Variants in FAM200B observed in about 807,000 individuals in gnomAD.
The protein encoded by FAM200B is protein FAM200B.
A neutral mutation model predicts 33.1 loss-of-function variants in FAM200B; 32 were observed. The observed-to-expected ratio is 0.97, with a 90% CI of 0.73 to 1.30. The LOEUF (loss-of-function observed/expected upper bound fraction) is 1.30. FAM200B is among the 50% of genes most tolerant of loss of function. The pLI is 0.00. For missense variants in FAM200B, 741 were observed against 754.0 expected (o/e 0.98, Z 0.20); for synonymous variants, 240 against 264.8 (o/e 0.91, Z 0.91).
upstream of FAM200B, among the ~76,000 whole-genome samples, chr4:15,677,824 T>C (rs776620160): frequency 4.0e-4 from 61 of 152,316 alleles, no homozygotes; most frequent in Non-Finnish European, 8.1e-4. Context: ...GAGTAGGTCA[T>C]GGGAATGCCC....
rs1719110503 is a variant in FAM200B, at chr4:15,688,600, T to G, written c.1623T>G (p.Phe541Leu). 1 of 1,551,274 alleles carries G rather than the reference T, an allele frequency of 6.4e-7. No individual in the cohort carries two copies. The highest frequency in any genetic ancestry group is 8.7e-7 in the Non-Finnish European group (1 of 1,146,684). The part of the protein sequence containing the change: ...LRENSWVKDP[F>L]AFRHPESIIE... ...AAAACAGTTGGGTAAAAGATCCATTTGCTTTTCGACACCCTGAATCAATAA... is the reference window on the plus strand; with the variant it reads ...AAAACAGTTGGGTAAAAGATCCATTGGCTTTTCGACACCCTGAATCAATAA... Residue 541 changes from phenylalanine (F) to leucine (L), a missense_variant, in exon 2 of 2, where the codon TTT becomes TTG. Physicochemically the swap from Phe to Leu is conservative, Grantham distance 22. Coordinates refer to ENST00000422728, the MANE Select transcript of FAM200B (RefSeq NM_001145191.2).
the FAM200B span, among the ~76,000 whole-genome samples, chr4:15,654,178 T>C: frequency 6.6e-6 from 1 of 152,258 alleles, no homozygotes; most frequent in East Asian, 1.9e-4. Context: ...TGGTTCTGCA[T>C]AATGCTATGC....
At chr4:15,681,444 A>T (rs1278300191), upstream of FAM200B, 2 of 170,454 alleles carry the variant, frequency 1.2e-5, no homozygotes, top group Admixed American at 6.5e-5. Flanking sequence ...AATCCGCAGC[A>T]GTCTCTTTTC....
the FAM200B span, among the ~76,000 whole-genome samples, chr4:15,662,202 T>C: frequency 6.6e-6 from 1 of 152,190 alleles, no homozygotes; most frequent in Non-Finnish European, 1.5e-5. Context: ...AGGGCCATCT[T>C]TGAAGCTGGC....
chr4:15,640,410 A>AAC, the FAM200B span, among the ~76,000 whole-genome samples: 37 of 146,680 alleles, frequency 2.5e-4, no homozygotes, highest in African/African-American at 8.0e-4. Flanking sequence ...AAAAAAAAAA[A>AAC]CATGAAAAAA....
the FAM200B span, among the ~76,000 whole-genome samples, chr4:15,662,957 G>T: frequency 6.6e-6 from 1 of 152,278 alleles, no homozygotes; most frequent in East Asian, 1.9e-4. Context: ...AAACAATAGA[G>T]CATATTGACC....
the FAM200B span, among the ~76,000 whole-genome samples, chr4:15,640,383 C>T: frequency 2.0e-5 from 2 of 99,588 alleles, no homozygotes; most frequent in South Asian, 6.9e-4. Flanking sequence ...AAATACTAAA[C>T]TACACTACTG....
chr4:15,655,478 A>C, the FAM200B span: 2 of 791,364 alleles, frequency 2.5e-6, no homozygotes, highest in Non-Finnish European at 3.1e-6. Context: ...GGCCCACGTG[A>C]CCGGGCGCGC....
intron 1 of FAM200B, chr4:15,685,075 A>T (rs373687556): frequency 6.6e-6 from 1 of 151,252 alleles, no homozygotes; most frequent in East Asian, 1.9e-4. Context: ...AAAGGTATAA[A>T]ACCTGATCAG....
chr4:15,640,268 G>C, the FAM200B span, among the ~76,000 whole-genome samples: 39 of 151,166 alleles, frequency 2.6e-4, no homozygotes, highest in Non-Finnish European at 2.5e-4. Flanking sequence ...TCTTGAACTC[G>C]TGAGTTCAAG....
the FAM200B span, among the ~76,000 whole-genome samples, chr4:15,641,964 G>A: frequency 6.6e-6 from 1 of 151,850 alleles, no homozygotes; most frequent in Non-Finnish European, 1.5e-5. Context: ...GAAGAAGGAG[G>A]TTGCGGTGAG....
rs1347295725 is a variant in FAM200B, at chr4:15,687,865, T to G, written c.888T>G (p.Ser296Arg). Reference protein sequence around the residue: ...LNWKNCKGITSDGTATMTGKH... With the variant: ...LNWKNCKGITRDGTATMTGKH... ...GGAAAAACTGTAAAGGAATTACAAG[T>G]GATGGCACAGCAACCATGACTGGAA... The change falls in exon 2 of 2, where the codon AGT (serine) becomes AGG (arginine). Residue 296 changes from serine to arginine, a missense_variant. Ser to Arg is a moderately radical substitution (Grantham distance 110). Transcript: ENST00000422728. The G allele has an allele frequency of 1.9e-6, 3 of 1,551,308 alleles. No homozygotes were observed. The highest frequency in any genetic ancestry group is 3.9e-5 in the Admixed American group (2 of 50,994).
chr4:15,643,658 C>T, the FAM200B span, among the ~76,000 whole-genome samples: 3 of 152,174 alleles, frequency 2.0e-5, no homozygotes, highest in African/African-American at 4.8e-5. Context: ...CCACTAGCCT[C>T]GGCCTCCCAG....
the FAM200B span, among the ~76,000 whole-genome samples, chr4:15,644,884 G>A: frequency 6.6e-6 from 1 of 152,190 alleles, no homozygotes; most frequent in Non-Finnish European, 1.5e-5. Flanking sequence ...AATAAAAAGT[G>A]CACTAGGCCA....
the FAM200B span, among the ~76,000 whole-genome samples, chr4:15,647,719 G>A: frequency 6.6e-6 from 1 of 152,144 alleles, no homozygotes; most frequent in Admixed American, 6.5e-5. Flanking sequence ...ACCTAGCACA[G>A]TAGTTAAAAG....
chr4:15,662,483 A>G, the FAM200B span, among the ~76,000 whole-genome samples: 1 of 152,224 alleles, frequency 6.6e-6, no homozygotes, highest in Non-Finnish European at 1.5e-5. Context: ...TAAGCATTCA[A>G]TACTATCTTT....
At chr4:15,644,625 C>A in the FAM200B span, 1 of 1,614,032 alleles carries the variant, frequency 6.2e-7, no homozygotes. Flanking sequence ...TCTGCTCATG[C>A]ATTTTGAACT....
the FAM200B span, among the ~76,000 whole-genome samples, chr4:15,637,975 ACT>A: frequency 1.3e-5 from 2 of 151,964 alleles, no homozygotes; most frequent in South Asian, 2.1e-4. Context: ...ATACAGAAAA[ACT>A]CTGCCTCTAG....
chr4:15,678,227 G>C (rs998881066), upstream of FAM200B, among the ~76,000 whole-genome samples: 13 of 152,002 alleles, frequency 8.6e-5, no homozygotes, highest in African/African-American at 3.1e-4. Context: ...AGGATTGCCT[G>C]GATTTTCTCA....
Sources: gnomAD v4.1 joint callset for allele counts (sites outside exome capture counted in the v4.1 genomes callset) on GRCh38, gnomAD v4.1.1 for gene constraint, MANE v1.5 for transcripts, NCBI Gene and HGNC (gene_info 2026-07-23, HGNC 2026-07-21) for gene names.